Variants in DNM3 observed in about 807,000 individuals in gnomAD.
DNM3 encodes dynamin-3.
Under a neutral mutation model 101.6 loss-of-function variants are expected in DNM3, and 47 were observed. That is an observed-to-expected ratio of 0.46 (90% CI 0.37 to 0.59). The LOEUF (loss-of-function observed/expected upper bound fraction) is 0.59. Ranked by LOEUF, DNM3 falls within the 20% of genes least tolerant of loss-of-function variation. The pLI is 0.00. For synonymous variants in DNM3, 385 were observed against 387.9 expected (o/e 0.99, Z 0.09); for missense variants, 849 against 1,085.7 (o/e 0.78, Z 3.06).
At chr1:172,285,981 G>A (rs922174660) in intron 15 of DNM3, among the ~76,000 whole-genome samples, 1 of 151,826 alleles carries the variant, frequency 6.6e-6, no homozygotes, top group Non-Finnish European at 1.5e-5. Context: ...CTTGACCTAC[G>A]TTATGCCTTC....
At chr1:171,917,165 C>A (rs1170499952) in intron 1 of DNM3, among the ~76,000 whole-genome samples, 1 of 152,140 alleles carries the variant, frequency 6.6e-6, no homozygotes, top group East Asian at 1.9e-4. Flanking sequence ...AGTTATGCCT[C>A]CCATCTTCAG....
At chr1:172,227,270 T>TGA (rs2061160627) in intron 14 of DNM3, among the ~76,000 whole-genome samples, 4 of 32,474 alleles carry the variant, frequency 1.2e-4, no homozygotes, top group African/African-American at 3.2e-4. Context: ...TAGTATTTTG[T>TGA]GATATATATA....
intron 14 of DNM3, among the ~76,000 whole-genome samples, chr1:172,243,647 T>C (rs972228207): frequency 1.3e-5 from 2 of 152,190 alleles, no homozygotes; most frequent in African/African-American, 4.8e-5. Context: ...TGGAGTTTTC[T>C]TGAGACTACT....
chr1:172,273,620 T>A (rs2063167023), intron 15 of DNM3, among the ~76,000 whole-genome samples: 1 of 152,074 alleles, frequency 6.6e-6, no homozygotes, highest in Non-Finnish European at 1.5e-5. Flanking sequence ...ACAAATGAGT[T>A]AATCTCAGAA....
At chr1:172,235,544 G>T (rs1163663600) in intron 14 of DNM3, among the ~76,000 whole-genome samples, 1 of 151,324 alleles carries the variant, frequency 6.6e-6, no homozygotes. Flanking sequence ...GACACAGGCA[G>T]ACGTATGTTT....
intron 9 of DNM3, among the ~76,000 whole-genome samples, chr1:172,047,210 A>G (rs1466578738): frequency 6.6e-6 from 1 of 151,982 alleles, no homozygotes; most frequent in African/African-American, 2.4e-5. Flanking sequence ...GTTTTTCTTC[A>G]TTGTTTTGTT....
intron 1 of DNM3, among the ~76,000 whole-genome samples, chr1:171,901,348 C>T (rs555150363): frequency 6.6e-5 from 10 of 152,140 alleles, no homozygotes; most frequent in South Asian, 6.2e-4. Context: ...ATGAAATAGG[C>T]CCTGAGCAGC....
intron 11 of DNM3, 50 bp downstream of exon 11, chr1:172,068,955 G>C (rs2051930427): frequency 1.3e-6 from 2 of 1,509,728 alleles, no homozygotes; most frequent in African/African-American, 2.8e-5. Flanking sequence ...GAGGTCGAAG[G>C]TCTCTGCAAG....
chr1:172,035,476 C>G (rs1313560670), intron 6 of DNM3, among the ~76,000 whole-genome samples: 1 of 152,030 alleles, frequency 6.6e-6, no homozygotes, highest in Non-Finnish European at 1.5e-5. Flanking sequence ...TCAATAATTA[C>G]TCTTCTGGCA....
At position 172,320,123 on chromosome 1, in the gene DNM3, A is replaced by G. The variant is rs567400119; in HGVS notation, c.1882-3206A>G. ...TGGAAATCACCATTCTCAGTAAACTATCGCAAGGACAAAAACCGAAACACC... is the reference window on the plus strand; with the variant it reads ...TGGAAATCACCATTCTCAGTAAACTGTCGCAAGGACAAAAACCGAAACACC... On this transcript the variant is annotated intron_variant, in intron 16 of 20. Transcript: ENST00000627582. Among the ~76,000 whole-genome samples the G allele has an allele frequency of 2.3e-3, 354 of 151,458 alleles. 2 individuals carry two copies. The highest frequency in any genetic ancestry group is 8.2e-3 in the African/African-American group (337 of 41,222).
chr1:171,970,023 A>C (rs1162803972), intron 2 of DNM3: 1 of 152,752 alleles, frequency 6.5e-6, no homozygotes, highest in Non-Finnish European at 1.5e-5. Flanking sequence ...ATAGAAGTCC[A>C]TGTGACTTTG....
chr1:172,096,983 T>G (rs1474682003), intron 13 of DNM3, among the ~76,000 whole-genome samples: 1 of 152,038 alleles, frequency 6.6e-6, no homozygotes, highest in African/African-American at 2.4e-5. Flanking sequence ...AGGGTAGAAT[T>G]GGAAGGGTTA....
chr1:172,092,782 T>C (rs1367490611), intron 12 of DNM3, 42 bp from the exon 13 acceptor site: 3 of 1,524,668 alleles, frequency 2.0e-6, no homozygotes, highest in Admixed American at 2.3e-5. Flanking sequence ...AGGAAAAAAT[T>C]ATATGTGTCT....
intron 14 of DNM3, among the ~76,000 whole-genome samples, chr1:172,195,934 G>A (rs1269348488): frequency 6.6e-6 from 1 of 151,148 alleles, no homozygotes. Context: ...AGGTTTGGGG[G>A]AACATATGAA....
intron 12 of DNM3, among the ~76,000 whole-genome samples, chr1:172,089,170 T>C (rs545850813): frequency 6.6e-6 from 1 of 152,276 alleles, no homozygotes; most frequent in East Asian, 1.9e-4. Context: ...TCCTCACATG[T>C]TTATTAATAT....
chr1:172,279,969 A>T (rs974598373), intron 15 of DNM3, among the ~76,000 whole-genome samples: 3 of 152,130 alleles, frequency 2.0e-5, no homozygotes, highest in Admixed American at 1.3e-4. Flanking sequence ...TGACAAAAAA[A>T]TTCAAATTTA....
chr1:172,307,791 C>T (rs556339109), intron 15 of DNM3, among the ~76,000 whole-genome samples: 6 of 151,990 alleles, frequency 3.9e-5, no homozygotes, highest in East Asian at 1.9e-4. Context: ...CCAAACACCA[C>T]GTGTTCTCAC....
At position 172,293,055 on chromosome 1, in the gene DNM3, G is replaced by A. The variant is rs548512530; in HGVS notation, c.1770-15673G>A. The stretch of plus-strand genomic sequence containing the variant: ...GTGTAGCCTCCCTGGAGGCCAGTTT[G>A]GGAATCTGCATTAAATGCCTTAATT... On this transcript the variant is annotated intron_variant, in intron 15 of 20. Transcript: ENST00000627582. Among the ~76,000 whole-genome samples the A allele has an allele frequency of 6.4e-4, 97 of 152,276 alleles. No homozygotes were observed. In the South Asian group the frequency reaches 8.7e-3, roughly 14 times the overall value.
intron 4 of DNM3, among the ~76,000 whole-genome samples, chr1:172,012,658 C>A (rs374765043): frequency 6.6e-6 from 1 of 151,782 alleles, no homozygotes; most frequent in African/African-American, 2.4e-5. Flanking sequence ...TTTTTCATGT[C>A]TCTTTTTTCT....
Sources: gnomAD v4.1 joint callset for allele counts (sites outside exome capture counted in the v4.1 genomes callset) on GRCh38, gnomAD v4.1.1 for gene constraint, MANE v1.5 for transcripts, NCBI Gene and HGNC (gene_info 2026-07-23, HGNC 2026-07-21) for gene names.